Variants in RYR2 observed in about 807,000 individuals in gnomAD.
RYR2 encodes ryanodine receptor 2.
RYR2 carries 227 observed loss-of-function variants against 601.1 expected under a neutral mutation model. The observed-to-expected ratio is 0.38, with a 90% CI of 0.34 to 0.42. RYR2 has a LOEUF of 0.42. Ranked by LOEUF, RYR2 falls within the 10% of genes least tolerant of loss-of-function variation. RYR2 has a pLI of 1.00. For missense variants in RYR2, 4,646 were observed against 6,156.5 expected, an observed-to-expected ratio of 0.75 and a Z score of 8.21; for synonymous variants, 2,223 against 2,175.1, an observed-to-expected ratio of 1.02 and a Z score of -0.61.
chr1:237,153,410 G>A (rs1273671822), intron 1 of RYR2, among the ~76,000 whole-genome samples: 1 of 152,034 alleles, frequency 6.6e-6, no homozygotes, highest in Non-Finnish European at 1.5e-5. Flanking sequence ...AAACTGTTCT[G>A]TGTGTGTGTG....
chr1:237,110,296 G>T (rs1012091160), intron 1 of RYR2, among the ~76,000 whole-genome samples: 2 of 151,806 alleles, frequency 1.3e-5, no homozygotes, highest in Non-Finnish European at 2.9e-5. Flanking sequence ...AAAAGTTTTA[G>T]GGTACATGTG....
chr1:237,698,354 A>G (rs1687677742), intron 63 of RYR2, among the ~76,000 whole-genome samples: 2 of 152,080 alleles, frequency 1.3e-5, no homozygotes, highest in Admixed American at 6.6e-5. Context: ...AGGAGTTACT[A>G]CCATCTGAAA....
intron 1 of RYR2, among the ~76,000 whole-genome samples, chr1:237,111,987 G>A (rs1258629697): frequency 6.6e-6 from 1 of 152,208 alleles, no homozygotes; most frequent in Non-Finnish European, 1.5e-5. Flanking sequence ...GCTGTCATTG[G>A]TTGGGGGTGG....
intron 3 of RYR2, among the ~76,000 whole-genome samples, chr1:237,349,055 A>C (rs1698536655): frequency 6.6e-6 from 1 of 152,198 alleles, no homozygotes; most frequent in Non-Finnish European, 1.5e-5. Flanking sequence ...CATGCGAGTA[A>C]CTGGATTCCC....
At chr1:237,445,371 A>G in intron 13 of RYR2, 30 bp from the exon 14 acceptor site, 1 of 1,611,452 alleles carries the variant, frequency 6.2e-7, no homozygotes, top group African/African-American at 1.3e-5. Context: ...AGACGTTGGG[A>G]GTAATGGCCT....
chr1:237,730,294 G>A lies in RYR2; in HGVS notation c.10873G>A (p.Glu3625Lys), dbSNP rs1225994973. The stretch of plus-strand genomic sequence containing the variant: ...TGTCAATCTCTTTCTTCAGGGATAT[G>A]AAAAGTCTTGGATTGAAACAGAAGA... Reference protein sequence around the residue: ...RAVNLFLQGYEKSWIETEEHY... With the variant: ...RAVNLFLQGYKKSWIETEEHY... The change falls in exon 77 of 105, where the codon GAA becomes AAA. Residue 3625 changes from glutamate (E) to lysine (K), a missense_variant. By Grantham distance (56) the Glu-to-Lys change is moderately conservative. Coordinates refer to ENST00000366574, the MANE Select transcript of RYR2 (RefSeq NM_001035.3). 6.2e-7 allele frequency: 1 copy of A among 1,609,216 alleles called. No homozygotes were observed. Among genetic ancestry groups the A allele is most frequent in the African/African-American group, 1.3e-5 (1 of 74,800 alleles).
rs1572422812 is a variant in RYR2, at chr1:237,042,475, A to C, written c.-47A>C. ...GCGCCAGGGGCCGCCGCCGCCGCCG[A>C]GCTCCGCGGGGCTCGGGAGCCGGCC... On this transcript the variant is annotated 5_prime_UTR_variant, in exon 1 of 105. Transcript: ENST00000366574. 1 of 1,241,032 alleles carries C rather than the reference A, an allele frequency of 8.1e-7. No homozygotes were observed. Among genetic ancestry groups the C allele is most frequent in the Non-Finnish European group, 1.0e-6 (1 of 983,924 alleles). 76.9% of individuals were successfully genotyped at this position (1,241,032 alleles called of 1,614,324 possible). A position where few individuals can be genotyped will look rare whatever the true frequency, so the allele number is the denominator to read the frequency against.
At chr1:237,226,558 G>C (rs1191120503) in intron 1 of RYR2, among the ~76,000 whole-genome samples, 1 of 152,170 alleles carries the variant, frequency 6.6e-6, no homozygotes, top group Non-Finnish European at 1.5e-5. Flanking sequence ...CCGAGAGATA[G>C]CTTAGTACAT....
intron 38 of RYR2, among the ~76,000 whole-genome samples, chr1:237,619,387 A>T (rs756552683): frequency 1.6e-4 from 24 of 152,222 alleles, no homozygotes; most frequent in Non-Finnish European, 3.1e-4. Flanking sequence ...AAATTTTAAA[A>T]CTCAATGAAT....
At chr1:237,285,015 C>G (rs930372216) in intron 2 of RYR2, among the ~76,000 whole-genome samples, 27 of 152,042 alleles carry the variant, frequency 1.8e-4, no homozygotes, top group Admixed American at 1.8e-3. Context: ...TTTGGATGCC[C>G]TTTATTTCTT....
intron 1 of RYR2, among the ~76,000 whole-genome samples, chr1:237,154,383 T>A (rs1437068662): frequency 6.6e-6 from 1 of 152,362 alleles, no homozygotes; most frequent in South Asian, 2.1e-4. Flanking sequence ...TGTTGAAACC[T>A]GCAGTGATTC....
At chr1:237,130,185 A>G (rs1672005893) in intron 1 of RYR2, among the ~76,000 whole-genome samples, 1 of 152,192 alleles carries the variant, frequency 6.6e-6, no homozygotes, top group African/African-American at 2.4e-5. Context: ...CATATGTCAA[A>G]ACATCACGTT....
intron 23 of RYR2, among the ~76,000 whole-genome samples, chr1:237,508,734 CTTTTTTTTTT>C (rs869044432): frequency 7.7e-5 from 6 of 77,642 alleles, no homozygotes; most frequent in African/African-American, 2.5e-4. Flanking sequence ...TTCGGGTTTT[CTTTTTTTTTT>C]TTTTTTTTTT....
chr1:237,569,827 AAGAC>A (rs1672476935), intron 29 of RYR2, among the ~76,000 whole-genome samples: 1 of 152,150 alleles, frequency 6.6e-6, no homozygotes, highest in Non-Finnish European at 1.5e-5. Context: ...GCTAAGTTCT[AAGAC>A]AGAAAAATGC....
chr1:237,744,719 TA>T (rs10925505), intron 80 of RYR2, among the ~76,000 whole-genome samples: 75 of 146,264 alleles, frequency 5.1e-4, no homozygotes, highest in Admixed American at 2.0e-3. Context: ...CTTCTTTTTT[TA>T]AAAAAAAAAA....
intron 4 of RYR2, among the ~76,000 whole-genome samples, chr1:237,358,799 G>T (rs943879311): frequency 3.3e-5 from 5 of 152,010 alleles, no homozygotes; most frequent in African/African-American, 1.2e-4. Flanking sequence ...CAGCTCCCAG[G>T]GATATCAGGT....
At chr1:237,551,269 C>T (rs1670363387) in intron 27 of RYR2, among the ~76,000 whole-genome samples, 1 of 152,150 alleles carries the variant, frequency 6.6e-6, no homozygotes, top group Non-Finnish European at 1.5e-5. Flanking sequence ...GTGGCTCACG[C>T]CTGTAATCCC....
chr1:237,197,353 A>C (rs1195922642), intron 1 of RYR2, among the ~76,000 whole-genome samples: 4 of 152,156 alleles, frequency 2.6e-5, no homozygotes, highest in Admixed American at 1.3e-4. Context: ...ATTCATCTCA[A>C]TTTACTGAGT....
chr1:237,332,245 C>T (rs1696817400), intron 3 of RYR2, among the ~76,000 whole-genome samples: 1 of 152,066 alleles, frequency 6.6e-6, no homozygotes, highest in Admixed American at 6.5e-5. Context: ...ATTTTAGTGT[C>T]ATGCAGCTTA....
Sources: gnomAD v4.1 joint callset for allele counts (sites outside exome capture counted in the v4.1 genomes callset) on GRCh38, gnomAD v4.1.1 for gene constraint, MANE v1.5 for transcripts, NCBI Gene and HGNC (gene_info 2026-07-23, HGNC 2026-07-21) for gene names.